The following PACRG variants were observed in gnomAD, a reference collection of about 807,000 sequenced individuals.
The protein encoded by PACRG is parkin coregulated, also known as parkin coregulated gene protein.
In PACRG, 29 loss-of-function variants were observed where a neutral mutation model predicts 29.7. The ratio of observed to expected loss-of-function variants is 0.98; its 90% CI spans 0.73 to 1.33. The LOEUF (loss-of-function observed/expected upper bound fraction) is 1.33. Ranked by LOEUF, PACRG falls within the 40% of genes most tolerant of loss-of-function variation. The pLI is 0.00. For missense variants in PACRG, 279 were observed against 316.2 expected (o/e 0.88, Z 0.89); for synonymous variants, 116 against 118.7 (o/e 0.98, Z 0.15).
intron 3 of PACRG, among the ~76,000 whole-genome samples, chr6:163,077,429 A>G (rs575053088): frequency 1.4e-3 from 210 of 152,310 alleles, no homozygotes; most frequent in Middle Eastern, 3.4e-3. Flanking sequence ...GACACAGCGG[A>G]AGAAACCTGA....
At chr6:162,852,938 G>A (rs1252900083) in intron 2 of PACRG, among the ~76,000 whole-genome samples, 4 of 152,118 alleles carry the variant, frequency 2.6e-5, no homozygotes, top group Admixed American at 6.5e-5. Context: ...CTTACAACAG[G>A]ATTTGCTGCC....
intron 1 of PACRG, among the ~76,000 whole-genome samples, chr6:162,761,133 G>A (rs1782326566): frequency 6.6e-6 from 1 of 152,056 alleles, no homozygotes; most frequent in Non-Finnish European, 1.5e-5. Context: ...GATTAGATAG[G>A]ATAGATCAGA....
At chr6:162,838,476 A>G (rs1789442709) in intron 2 of PACRG, among the ~76,000 whole-genome samples, 1 of 152,200 alleles carries the variant, frequency 6.6e-6, no homozygotes, top group South Asian at 2.1e-4. Flanking sequence ...ATAGCCATGA[A>G]TAACTTCAAA....
At chr6:163,040,567 G>C (rs1489979195) in intron 2 of PACRG, among the ~76,000 whole-genome samples, 1 of 152,248 alleles carries the variant, frequency 6.6e-6, no homozygotes, top group East Asian at 1.9e-4. Flanking sequence ...TGCAGGAAGT[G>C]TACCCTGCAG....
chr6:163,102,737 T>G (rs938965163), intron 4 of PACRG, among the ~76,000 whole-genome samples: 5 of 152,226 alleles, frequency 3.3e-5, no homozygotes, highest in African/African-American at 9.6e-5. Context: ...CAAATGTGTA[T>G]GACATATGGT....
intron 4 of PACRG, among the ~76,000 whole-genome samples, chr6:163,176,907 A>G (rs1275660510): frequency 2.0e-5 from 3 of 152,238 alleles, no homozygotes; most frequent in Non-Finnish European, 4.4e-5. Context: ...GGAATCTGGG[A>G]CAGTCAGCTG....
chr6:163,187,568 A>T (rs1182183362), intron 4 of PACRG: 3 of 152,238 alleles, frequency 2.0e-5, no homozygotes, highest in African/African-American at 7.2e-5. Context: ...CATCGGCAGC[A>T]CACAGAGACC....
intron 4 of PACRG, among the ~76,000 whole-genome samples, chr6:163,277,078 A>G (rs1287228544): frequency 6.6e-6 from 1 of 151,924 alleles, no homozygotes; most frequent in Non-Finnish European, 1.5e-5. Flanking sequence ...CTCTCACTTT[A>G]TCTTTCATCA....
intron 4 of PACRG, among the ~76,000 whole-genome samples, chr6:163,108,845 G>C (rs1815549448): frequency 6.6e-6 from 1 of 152,094 alleles, no homozygotes; most frequent in Non-Finnish European, 1.5e-5. Flanking sequence ...CAAAGAAAAG[G>C]TCTGCCTTGT....
chr6:163,100,289 C>G lies in PACRG; in HGVS notation c.613+10881C>G, dbSNP rs575252687. On this transcript the variant is annotated intron_variant, in intron 4 of 4. Coordinates refer to ENST00000366888, the MANE Select transcript of PACRG (RefSeq NM_001080379.2). ...ACGCAGGGTCAAAAATGCCCCCACC[C>G]GTGCACGCTCACCGTGAGAAACCCA... Among the ~76,000 whole-genome samples, 258 of 152,252 alleles carry G rather than the reference C, an allele frequency of 1.7e-3. 1 individual carries two copies. Among genetic ancestry groups the G allele is most frequent in the African/African-American group, 6.0e-3 (250 of 41,548 alleles).
At chr6:163,223,886 T>G (rs1156972334) in intron 4 of PACRG, among the ~76,000 whole-genome samples, 1 of 152,222 alleles carries the variant, frequency 6.6e-6, no homozygotes, top group Non-Finnish European at 1.5e-5. Flanking sequence ...AGAGTGATTC[T>G]GTTAGTCAGG....
At chr6:163,245,799 C>T (rs535592155) in intron 4 of PACRG, among the ~76,000 whole-genome samples, 22 of 152,278 alleles carry the variant, frequency 1.4e-4, no homozygotes, top group African/African-American at 2.9e-4. Flanking sequence ...ACTCGGTCTC[C>T]GGGCATTTTC....
intron 1 of PACRG, among the ~76,000 whole-genome samples, chr6:162,732,226 AG>A (rs1322379594): frequency 6.6e-6 from 1 of 152,206 alleles, no homozygotes; most frequent in Non-Finnish European, 1.5e-5. Context: ...CCTCAGGAAA[AG>A]GATGAAGGAA....
chr6:162,730,524 C>G (rs180997529), intron 1 of PACRG, among the ~76,000 whole-genome samples: 190 of 152,188 alleles, frequency 1.2e-3, no homozygotes, highest in Non-Finnish European at 2.2e-3. Context: ...TACAGAGACT[C>G]CTGATATTTC....
intron 4 of PACRG, among the ~76,000 whole-genome samples, chr6:163,132,527 G>A (rs149370727): frequency 7.2e-5 from 11 of 152,106 alleles, no homozygotes; most frequent in East Asian, 5.8e-4. Context: ...CAATTTGTGC[G>A]TGCCCTGTGG....
rs966433075 is a variant in PACRG at position 163,055,700 on chromosome 6, T to C, written c.292-6450T>C. Among the ~76,000 whole-genome samples the C allele has an allele frequency of 6.6e-6, 1 of 152,224 alleles. No individual in the cohort carries two copies. The highest frequency in any genetic ancestry group is 1.5e-5 in the Non-Finnish European group (1 of 68,044). On this transcript the variant is annotated intron_variant, in intron 2 of 4. Transcript: ENST00000366888. This position sits in a 1 kb window ranked among gnomAD's most constrained non-coding sequence, Gnocchi z 4.0. ...CATTTTTATCATTGTAAAATACACA[T>C]AAAACTTACCATTTTTACCATTTTT...
At position 162,731,011 on chromosome 6, in the gene PACRG, C is replaced by A. The variant is rs533472845; in HGVS notation, c.156+2620C>A. On this transcript the variant is annotated intron_variant, in intron 1 of 4. Transcript: ENST00000366888. ...ATCACGAAGCAAGTTAGAAAATCGA[C>A]CCAGGGTTATGGTGACAGAGAAGTT... 6.6e-4 allele frequency among the ~76,000 whole-genome samples: 100 copies of A among 152,240 alleles called. 2 individuals are homozygous for A. In the South Asian group the frequency reaches 0.02, roughly 31 times the overall value.
At chr6:163,119,787 C>T (rs1816183318) in intron 4 of PACRG, among the ~76,000 whole-genome samples, 1 of 152,072 alleles carries the variant, frequency 6.6e-6, no homozygotes. Flanking sequence ...AGAAAACAAT[C>T]CCCCCAAAAA....
chr6:163,075,952 G>A (rs1050015777), intron 3 of PACRG, among the ~76,000 whole-genome samples: 2 of 152,180 alleles, frequency 1.3e-5, no homozygotes, highest in East Asian at 3.9e-4. Context: ...TGCTGGTTCA[G>A]TACCACAGGA....
Sources: allele counts gnomAD v4.1 joint callset (sites outside exome capture counted in the v4.1 genomes callset), GRCh38; gene constraint gnomAD v4.1.1; non-coding constraint Gnocchi (gnomAD v3.1); transcripts MANE v1.5; gene names NCBI Gene and HGNC (gene_info 2026-07-23, HGNC 2026-07-21).